The following BMPR1B variants were observed in gnomAD, a reference collection of about 807,000 sequenced individuals.
BMPR1B encodes bone morphogenetic protein receptor type 1B.
Under a neutral mutation model 59.1 loss-of-function variants are expected in BMPR1B, and 12 were observed. The observed-to-expected ratio is 0.20, with a 90% CI of 0.13 to 0.33. BMPR1B has a LOEUF of 0.33. Among genes scored for constraint, BMPR1B ranks in the 10% least tolerant of loss-of-function variants. BMPR1B has a pLI of 1.00. For synonymous variants in BMPR1B, 237 were observed against 207.3 expected (o/e 1.14, Z -1.23); for missense variants, 550 against 610.9 (o/e 0.90, Z 1.05).
chr4:94,965,857 A>G (rs1730536540), intron 2 of BMPR1B, among the ~76,000 whole-genome samples: 1 of 152,192 alleles, frequency 6.6e-6, no homozygotes, highest in Non-Finnish European at 1.5e-5. Context: ...AACAGCTCTG[A>G]TCAGTATTTA....
intron 3 of BMPR1B, among the ~76,000 whole-genome samples, chr4:95,101,639 A>G (rs1730827819): frequency 6.6e-6 from 1 of 152,168 alleles, no homozygotes; most frequent in Non-Finnish European, 1.5e-5. Context: ...TATCAATTCA[A>G]TATATCAGAA....
rs182455512 is a variant in BMPR1B at position 94,796,700 on chromosome 4, G to A, written c.-183+38632G>A. Among the ~76,000 whole-genome samples the A allele has an allele frequency of 4.5e-3, 678 of 152,194 alleles. 5 individuals are homozygous for A. Among genetic ancestry groups the A allele is most frequent in the African/African-American group, 0.016 (647 of 41,548 alleles). ...GTGTATGTGTGTGCTTTCAGTTCTTGTATGTTGCCTATGTGTCTTTGCTGA... is the reference window on the plus strand; with the variant it reads ...GTGTATGTGTGTGCTTTCAGTTCTTATATGTTGCCTATGTGTCTTTGCTGA... On this transcript the variant is annotated intron_variant, in intron 1 of 12. Coordinates refer to ENST00000515059, the MANE Select transcript of BMPR1B (RefSeq NM_001203.3).
At chr4:95,095,487 T>C (rs907698923) in intron 3 of BMPR1B, among the ~76,000 whole-genome samples, 2 of 152,108 alleles carry the variant, frequency 1.3e-5, no homozygotes, top group Non-Finnish European at 2.9e-5. Context: ...CTCTTTACCC[T>C]GGACATTTAA....
At chr4:95,063,017 T>C (rs1727515762) in intron 3 of BMPR1B, among the ~76,000 whole-genome samples, 1 of 152,194 alleles carries the variant, frequency 6.6e-6, no homozygotes, top group African/African-American at 2.4e-5. Flanking sequence ...ATTGACATTT[T>C]ATAAGATACT....
In BMPR1B at chr4:95,004,418, G is replaced by T. The variant is rs928583656; in HGVS notation, c.-18+8284G>T. Among the ~76,000 whole-genome samples, 25 of 152,048 alleles carry T rather than the reference G, an allele frequency of 1.6e-4. 1 individual carries two copies. The highest frequency in any genetic ancestry group is 1.2e-3 in the Admixed American group (19 of 15,260). The stretch of plus-strand genomic sequence containing the variant: ...ATTACACCTTATAGTTGATAAGCAG[G>T]TTGTTCTTCTATTATTTGTAATATT... On this transcript the variant is annotated intron_variant, in intron 3 of 12. Transcript: ENST00000515059.
chr4:95,146,181 T>A (rs1407025807), intron 10 of BMPR1B, among the ~76,000 whole-genome samples: 1 of 152,138 alleles, frequency 6.6e-6, no homozygotes, highest in Non-Finnish European at 1.5e-5. Context: ...CAGCTACTAC[T>A]AGGGCAAACG....
At chr4:94,941,874 G>A (rs3796410) in intron 2 of BMPR1B, among the ~76,000 whole-genome samples, 90,352 of 152,058 alleles carry the variant, frequency 0.59, 28,339 homozygotes, top group African/African-American at 0.79. Context: ...TTGCGTCTCA[G>A]ACATCACTCA....
At chr4:94,790,801 G>GTTATT (rs1722955063) in intron 1 of BMPR1B, among the ~76,000 whole-genome samples, 2 of 152,090 alleles carry the variant, frequency 1.3e-5, no homozygotes, top group African/African-American at 2.4e-5. Flanking sequence ...ACACATTTTA[G>GTTATT]TTTTTTACCT....
At chr4:95,096,352 C>G (rs958535019) in intron 3 of BMPR1B, among the ~76,000 whole-genome samples, 1 of 151,380 alleles carries the variant, frequency 6.6e-6, no homozygotes, top group African/African-American at 2.4e-5. Context: ...AAAATAACTT[C>G]CTTTTTAGTC....
intron 3 of BMPR1B, among the ~76,000 whole-genome samples, chr4:95,064,359 G>A (rs1264550027): frequency 1.3e-5 from 2 of 152,132 alleles, no homozygotes; most frequent in Admixed American, 6.6e-5. Flanking sequence ...CAGTGGGAGC[G>A]TTAGATGCTC....
At chr4:95,071,632 TTG>T (rs71912877) in intron 3 of BMPR1B, among the ~76,000 whole-genome samples, 26,049 of 117,518 alleles carry the variant, frequency 0.22, 3,479 homozygotes, top group South Asian at 0.3. Context: ...ATATGTGTGT[TTG>T]TGTGTGTGTG....
rs1418526401 is a variant in BMPR1B at position 95,157,680 on chromosome 4, A to G, written c.*3007A>G. 1 of 151,760 alleles carries G rather than the reference A, an allele frequency of 6.6e-6. No homozygotes were observed. Among genetic ancestry groups the G allele is most frequent in the East Asian group, 1.9e-4 (1 of 5,194 alleles). 9.4% of individuals were successfully genotyped at this position (151,760 alleles called of 1,614,324 possible). ...TCAGTTTGGAGTCTGGCACAACTCC[A>G]TTATGTGGATTAGAGAGTAAGATAT... On this transcript the variant is annotated 3_prime_UTR_variant, in exon 13 of 13. Coordinates refer to ENST00000515059, the MANE Select transcript of BMPR1B (RefSeq NM_001203.3).
intron 3 of BMPR1B, among the ~76,000 whole-genome samples, chr4:95,052,810 G>A (rs141560799): frequency 3.3e-5 from 5 of 152,250 alleles, no homozygotes; most frequent in African/African-American, 1.2e-4. Flanking sequence ...GTGTTGATAT[G>A]AAGGAATGAT....
At chr4:94,803,110 C>A (rs916343770) in intron 1 of BMPR1B, among the ~76,000 whole-genome samples, 1 of 152,040 alleles carries the variant, frequency 6.6e-6, no homozygotes, top group African/African-American at 2.4e-5. Flanking sequence ...CATTGAGTAC[C>A]CCCTGGCTGA....
At chr4:95,056,096 A>G (rs1726908939) in intron 3 of BMPR1B, among the ~76,000 whole-genome samples, 2 of 152,210 alleles carry the variant, frequency 1.3e-5, no homozygotes, top group Non-Finnish European at 2.9e-5. Flanking sequence ...AATATTGACA[A>G]CTAATTATAG....
chr4:95,078,407 G>A (rs557493554), intron 3 of BMPR1B, among the ~76,000 whole-genome samples: 2 of 152,274 alleles, frequency 1.3e-5, no homozygotes, highest in African/African-American at 4.8e-5. Flanking sequence ...TAAATGAATA[G>A]AACTAACATT....
chr4:95,144,763 T>G (rs1272841283), intron 10 of BMPR1B, among the ~76,000 whole-genome samples: 1 of 152,182 alleles, frequency 6.6e-6, no homozygotes, highest in Non-Finnish European at 1.5e-5. Context: ...TGTGCACACA[T>G]TTCCAACCAT....
chr4:95,134,146 G>C (rs544591281), intron 10 of BMPR1B, among the ~76,000 whole-genome samples: 16 of 152,236 alleles, frequency 1.1e-4, no homozygotes, highest in African/African-American at 3.4e-4. Flanking sequence ...CCTTGCGATA[G>C]TTTGCTCAGA....
At chr4:94,820,526 A>G (rs1404912265) in intron 1 of BMPR1B, among the ~76,000 whole-genome samples, 7 of 152,208 alleles carry the variant, frequency 4.6e-5, no homozygotes, top group Non-Finnish European at 8.8e-5. Flanking sequence ...TTTAAACTAC[A>G]TAATACTGTA....
Sources: gnomAD v4.1 joint callset for allele counts (sites outside exome capture counted in the v4.1 genomes callset) on GRCh38, gnomAD v4.1.1 for gene constraint, MANE v1.5 for transcripts, NCBI Gene and HGNC (gene_info 2026-07-23, HGNC 2026-07-21) for gene names.